Variants in NRCAM observed in about 807,000 individuals in gnomAD.
NRCAM encodes the protein NgCAM-related cell adhesion molecule.
NRCAM carries 83 observed loss-of-function variants against 156.5 expected under a neutral mutation model. The ratio of observed to expected loss-of-function variants is 0.53; its 90% CI spans 0.44 to 0.64. The LOEUF (loss-of-function observed/expected upper bound fraction) is 0.64. Among genes scored for constraint, NRCAM ranks in the 30% least tolerant of loss-of-function variants. The pLI is 0.00. For synonymous variants in NRCAM, 538 were observed against 563.9 expected (o/e 0.95, Z 0.65); for missense variants, 1,417 against 1,597.3 (o/e 0.89, Z 1.92).
chr7:108,337,686 G>A (rs772416954), intron 2 of NRCAM, among the ~76,000 whole-genome samples: 6 of 152,084 alleles, frequency 3.9e-5, no homozygotes, highest in Non-Finnish European at 7.4e-5. Context: ...CTTGGAATCT[G>A]TGAGGCCAAG....
chr7:108,202,953 A>G (rs1319520496), intron 13 of NRCAM, among the ~76,000 whole-genome samples: 1 of 152,196 alleles, frequency 6.6e-6, no homozygotes, highest in African/African-American at 2.4e-5. Context: ...CAAGTGTTAG[A>G]CTCTCCTGCA....
chr7:108,178,466 T>C (rs2153232311), intron 25 of NRCAM: 2 of 359,852 alleles, frequency 5.6e-6, no homozygotes, highest in Non-Finnish European at 1.1e-5. Context: ...CTATTCTAAC[T>C]GGATCTGAGT....
intron 20 of NRCAM, among the ~76,000 whole-genome samples, chr7:108,187,131 T>C (rs2067366729): frequency 2.0e-5 from 3 of 152,140 alleles, no homozygotes; most frequent in Admixed American, 6.5e-5. Flanking sequence ...TCTGTCTGCT[T>C]CCCCTCTTGT....
At chr7:108,174,263 C>A (rs1009381333) in intron 28 of NRCAM, among the ~76,000 whole-genome samples, 1 of 152,202 alleles carries the variant, frequency 6.6e-6, no homozygotes, top group Non-Finnish European at 1.5e-5. Context: ...TATTCAATAA[C>A]TCCAAAATCT....
At chr7:108,391,207 T>C (rs7791958) in intron 2 of NRCAM, among the ~76,000 whole-genome samples, 30,712 of 151,906 alleles carry the variant, frequency 0.2, 3,424 homozygotes, top group Middle Eastern at 0.27. Flanking sequence ...TGTGGGAGTC[T>C]AAGTCTCTTT....
Position 108,269,573 on chromosome 7 carries a change from C to G in NRCAM, c.-106-29403G>C, listed in dbSNP as rs144078625. 2.0e-3 allele frequency among the ~76,000 whole-genome samples: 300 copies of G among 152,142 alleles called. 2 individuals carry two copies. The highest frequency in any genetic ancestry group is 5.5e-3 in the African/African-American group (227 of 41,512). ...GGGTCCAGGTGTCATAAGAAGGTAG[C>G]GACATGTTCCCTACAGGTTACACAC... On this transcript the variant is annotated intron_variant, in intron 3 of 32. Coordinates refer to ENST00000379028, the MANE Select transcript of NRCAM (RefSeq NM_001037132.4).
intron 1 of NRCAM, among the ~76,000 whole-genome samples, chr7:108,403,055 A>G (rs1326515789): frequency 6.6e-6 from 1 of 152,162 alleles, no homozygotes; most frequent in African/African-American, 2.4e-5. Flanking sequence ...CCTCCTCCTT[A>G]GAGTGTCTTG....
intron 3 of NRCAM, among the ~76,000 whole-genome samples, chr7:108,277,234 T>C (rs1057445738): frequency 6.6e-6 from 1 of 151,970 alleles, no homozygotes; most frequent in Non-Finnish European, 1.5e-5. Context: ...CTTCTCGAGG[T>C]GTATCTTTGT....
intron 1 of NRCAM, among the ~76,000 whole-genome samples, chr7:108,428,352 G>T (rs1820131688): frequency 6.6e-6 from 1 of 152,136 alleles, no homozygotes; most frequent in Non-Finnish European, 1.5e-5. Flanking sequence ...AAGTATACAG[G>T]TGTTGGCATT....
At chr7:108,381,010 G>A (rs1030738163) in intron 2 of NRCAM, among the ~76,000 whole-genome samples, 1 of 152,114 alleles carries the variant, frequency 6.6e-6, no homozygotes, top group Non-Finnish European at 1.5e-5. Context: ...TTTGAGTCCT[G>A]TCTGGGCAAC....
chr7:108,321,380 C>A (rs1452924539), intron 2 of NRCAM, among the ~76,000 whole-genome samples: 2 of 152,124 alleles, frequency 1.3e-5, no homozygotes, highest in Admixed American at 6.6e-5. Flanking sequence ...GAAGGGGAAC[C>A]AGTGTGTCAC....
chr7:108,209,269 C>T (rs920816610), intron 12 of NRCAM, 152 bp downstream of exon 12: 5 of 524,722 alleles, frequency 9.5e-6, no homozygotes, highest in African/African-American at 2.0e-5. Flanking sequence ...GATTTAGATG[C>T]ACTACCAATA....
At chr7:108,324,704 C>G (rs1208999897) in intron 2 of NRCAM, among the ~76,000 whole-genome samples, 2 of 152,120 alleles carry the variant, frequency 1.3e-5, no homozygotes, top group African/African-American at 4.8e-5. Flanking sequence ...ACAGCTTCCA[C>G]TTTCAATAAC....
chr7:108,195,167 C>T (rs534091571), intron 15 of NRCAM, among the ~76,000 whole-genome samples: 21 of 152,206 alleles, frequency 1.4e-4, no homozygotes, highest in Middle Eastern at 3.4e-3. Flanking sequence ...CAGGGGATGT[C>T]CATGGCATTG....
At chr7:108,187,309 C>T (rs1200637542) in intron 20 of NRCAM, among the ~76,000 whole-genome samples, 4 of 152,266 alleles carry the variant, frequency 2.6e-5, no homozygotes, top group Middle Eastern at 3.4e-3. Flanking sequence ...CTTCTCTCCG[C>T]CCTCACTTTC....
intron 2 of NRCAM, among the ~76,000 whole-genome samples, chr7:108,337,955 TAA>T (rs1215476216): frequency 6.6e-6 from 1 of 152,216 alleles, no homozygotes; most frequent in African/African-American, 2.4e-5. Flanking sequence ...GTCGGCCGGT[TAA>T]AAACGATTAG....
In NRCAM at chr7:108,178,035, G is replaced by C; in HGVS notation, c.2929C>G (p.His977Asp). The C allele has an allele frequency of 6.2e-7, 1 of 1,613,576 alleles. No homozygotes were observed. Among genetic ancestry groups the C allele is most frequent in the African/African-American group, 1.3e-5 (1 of 75,016 alleles). The change falls in exon 26 of 33, where the codon CAC (histidine) becomes GAC (aspartate). Residue 977 changes from histidine to aspartate, a missense_variant. Physicochemically the swap from His to Asp is moderately conservative, Grantham distance 81. Around this residue, in one of 2 missense-constraint regions of NRCAM, gnomAD observed 1,238 missense variants for 1,336.4 expected, o/e 0.93. Transcript: ENST00000379028. ...SLTLEWDPPS[H>D]PNGILTEYTL... ...TACTCTGTCAAAATGCCATTCGGGT[G>C]GCTCGGTGGATCCCATTCCAAAGTG... is the stretch of plus-strand genomic sequence containing the variant.
chr7:108,441,181 A>G (rs1207934967), intron 1 of NRCAM, among the ~76,000 whole-genome samples: 4 of 152,260 alleles, frequency 2.6e-5, no homozygotes, highest in Non-Finnish European at 5.9e-5. Context: ...TCTTCTGCAT[A>G]ATGTTTTTGT....
At chr7:108,217,967 G>T (rs1362872890) in intron 11 of NRCAM, among the ~76,000 whole-genome samples, 1 of 151,852 alleles carries the variant, frequency 6.6e-6, no homozygotes, top group East Asian at 1.9e-4. Context: ...ACTGGGGTAT[G>T]AAAAAAAACT....
Sources: allele counts gnomAD v4.1 joint callset (sites outside exome capture counted in the v4.1 genomes callset), GRCh38; gene constraint gnomAD v4.1.1; regional missense constraint gnomAD v4.1.1; transcripts MANE v1.5; gene names NCBI Gene and HGNC (gene_info 2026-07-23, HGNC 2026-07-21).